Variants in RGS9 observed in about 807,000 individuals in gnomAD.
The protein encoded by RGS9 is regulator of G protein signaling 9, also known as regulator of G-protein signalling 9.
In RGS9, 78 loss-of-function variants were observed where a neutral mutation model predicts 102.0. The observed-to-expected ratio is 0.76, with a 90% CI of 0.64 to 0.92. RGS9 has a LOEUF of 0.92. Among genes scored for constraint, RGS9 ranks in the 40% least tolerant of loss-of-function variants. RGS9 has a pLI of 0.00. For synonymous variants in RGS9, 353 were observed against 318.6 expected, an observed-to-expected ratio of 1.11 and a Z score of -1.15; for missense variants, 833 against 866.1, an observed-to-expected ratio of 0.96 and a Z score of 0.48.
rs147884635 is a variant in RGS9, at chr17:65,167,363, G to A, written c.501-837G>A. Reference sequence around the variant, plus strand: ...ATTACAAGTGCTTGCCACCATGCCCGGAACATTTTTATATTTTTGGTAGAG... The same window carrying A: ...ATTACAAGTGCTTGCCACCATGCCCAGAACATTTTTATATTTTTGGTAGAG... On this transcript the variant is annotated intron_variant, in intron 7 of 18. Coordinates refer to ENST00000262406, the MANE Select transcript of RGS9 (RefSeq NM_003835.4). Among the ~76,000 whole-genome samples, 448 of 151,690 alleles carry A rather than the reference G, an allele frequency of 3.0e-3. 3 individuals are homozygous for A. Among genetic ancestry groups the A allele is most frequent in the African/African-American group, 9.7e-3 (399 of 41,162 alleles).
intron 9 of RGS9, among the ~76,000 whole-genome samples, chr17:65,182,761 A>T (rs577336467): frequency 6.6e-6 from 1 of 152,134 alleles, no homozygotes; most frequent in Non-Finnish European, 1.5e-5. Flanking sequence ...TCTCCACCCC[A>T]CAAGGCCTAC....
intron 7 of RGS9, among the ~76,000 whole-genome samples, chr17:65,164,776 A>G (rs1229015219): frequency 6.6e-6 from 1 of 152,178 alleles, no homozygotes; most frequent in African/African-American, 2.4e-5. Context: ...GGTACATTTG[A>G]GGCGAAACAA....
chr17:65,155,985 C>T (rs920095356), intron 2 of RGS9, among the ~76,000 whole-genome samples: 9 of 152,056 alleles, frequency 5.9e-5, no homozygotes, highest in South Asian at 4.1e-4. Flanking sequence ...AATTTCAGCC[C>T]AGCAATGTGA....
At chr17:65,138,696 T>C (rs1233885041) in intron 1 of RGS9, among the ~76,000 whole-genome samples, 55 of 152,120 alleles carry the variant, frequency 3.6e-4, no homozygotes, top group Admixed American at 3.6e-3. Context: ...CAGAAGAAAC[T>C]GCCTAAGTCG....
chr17:65,205,469 T>C (rs1913016982), intron 15 of RGS9, among the ~76,000 whole-genome samples: 1 of 151,678 alleles, frequency 6.6e-6, no homozygotes, highest in Admixed American at 6.6e-5. Flanking sequence ...TGACATAGGT[T>C]GCGTGATATA....
chr17:65,143,382 A>G (rs184686758), intron 1 of RGS9, among the ~76,000 whole-genome samples: 1 of 152,224 alleles, frequency 6.6e-6, no homozygotes, highest in Non-Finnish European at 1.5e-5. Context: ...GGGGGTTAGA[A>G]GATGTTCCAC....
chr17:65,142,514 G>A (rs1910194585), intron 1 of RGS9, among the ~76,000 whole-genome samples: 1 of 151,734 alleles, frequency 6.6e-6, no homozygotes, highest in South Asian at 2.1e-4. Context: ...TGATTTACTT[G>A]GCCTGGAAGT....
chr17:65,227,681 G>T lies in RGS9; in HGVS notation c.*274G>T. The T allele has an allele frequency of 2.1e-6, 1 of 486,942 alleles. No individual in the cohort carries two copies. The highest frequency in any genetic ancestry group is 3.8e-6 in the Non-Finnish European group (1 of 266,012). The allele number at this position is 486,942 out of a possible 1,614,324, so 30.2% of individuals were successfully genotyped here. A position where few individuals can be genotyped will look rare whatever the true frequency, so the allele number is the denominator to read the frequency against. On this transcript the variant is annotated 3_prime_UTR_variant, in exon 19 of 19. Transcript: ENST00000262406. ...CCCTGCTGCCTTAAAACCAATAAAAGGTTAACTTTAAGTTTCTTGGAATGT... is the reference window on the plus strand; with the variant it reads ...CCCTGCTGCCTTAAAACCAATAAAATGTTAACTTTAAGTTTCTTGGAATGT...
At chr17:65,225,531 G>T (rs1905624781) in intron 18 of RGS9, 45 bp downstream of exon 18, 2 of 1,598,886 alleles carry the variant, frequency 1.3e-6, no homozygotes, top group Admixed American at 1.7e-5. Context: ...GTGGCTGTGG[G>T]TGTGCAGGCC....
At chr17:65,183,295 A>G (rs1267536568) in intron 9 of RGS9, among the ~76,000 whole-genome samples, 5 of 151,956 alleles carry the variant, frequency 3.3e-5, no homozygotes, top group African/African-American at 1.2e-4. Flanking sequence ...GCTAATTTTT[A>G]TATTTTTAGT....
chr17:65,159,439 C>T (rs1910895065), intron 3 of RGS9, among the ~76,000 whole-genome samples: 1 of 152,052 alleles, frequency 6.6e-6, no homozygotes, highest in Non-Finnish European at 1.5e-5. Flanking sequence ...ATGAGGCATA[C>T]AACTTTAGGA....
At chr17:65,148,983 G>A (rs1042040007) in intron 1 of RGS9, among the ~76,000 whole-genome samples, 1 of 151,862 alleles carries the variant, frequency 6.6e-6, no homozygotes, top group Non-Finnish European at 1.5e-5. Context: ...GTTTTTTGAG[G>A]CAAGGTCTCT....
intron 8 of RGS9, among the ~76,000 whole-genome samples, chr17:65,175,322 T>C (rs1293142572): frequency 6.6e-6 from 1 of 152,146 alleles, no homozygotes; most frequent in East Asian, 1.9e-4. Context: ...AGTGTGTGTA[T>C]GAAGTCTGCC....
At chr17:65,202,811 C>T (rs1467843532) in intron 14 of RGS9, among the ~76,000 whole-genome samples, 8 of 152,146 alleles carry the variant, frequency 5.3e-5, no homozygotes, top group South Asian at 4.1e-4. Flanking sequence ...GCCACACTCC[C>T]CCTCCCCAAC....
intron 11 of RGS9, among the ~76,000 whole-genome samples, chr17:65,192,987 G>A (rs1052296066): frequency 7.2e-5 from 11 of 151,932 alleles, no homozygotes; most frequent in African/African-American, 1.2e-4. Flanking sequence ...CAGAAAGGCC[G>A]GGCATGGTGG....
At chr17:65,199,488 C>CTTTTTTTTTTTTTTTT in intron 13 of RGS9, among the ~76,000 whole-genome samples, 1 of 108,328 alleles carries the variant, frequency 9.2e-6, no homozygotes, top group South Asian at 3.0e-4. Context: ...GCTTCTGTTC[C>CTTTTTTTTTTTTTTTT]TTTTTTTTTT....
At chr17:65,141,066 G>C (rs1362358010) in intron 1 of RGS9, among the ~76,000 whole-genome samples, 1 of 152,180 alleles carries the variant, frequency 6.6e-6, no homozygotes, top group Non-Finnish European at 1.5e-5. Flanking sequence ...TGCGATTCCC[G>C]AGGTTCTCAC....
intron 13 of RGS9, among the ~76,000 whole-genome samples, chr17:65,198,970 C>A (rs991535480): frequency 2.0e-5 from 3 of 152,090 alleles, no homozygotes; most frequent in South Asian, 4.1e-4. Context: ...ACAACATACA[C>A]CCTGAATTTA....
Position 65,165,345 on chromosome 17 carries a change from G to A in RGS9, c.500+2256G>A, listed in dbSNP as rs192645418. Among the ~76,000 whole-genome samples the A allele has an allele frequency of 3.6e-3, 544 of 152,316 alleles. 1 individual carries two copies. Among genetic ancestry groups the A allele is most frequent in the Middle Eastern group, 6.8e-3 (2 of 294 alleles). ...TTCTTCCAGGTGCCTTGGAATGAGC[G>A]ATTCCTAAAAGGCTTGCTCCATTTG... On this transcript the variant is annotated intron_variant, in intron 7 of 18. Transcript: ENST00000262406.
Sources: allele counts gnomAD v4.1 joint callset (sites outside exome capture counted in the v4.1 genomes callset), GRCh38; gene constraint gnomAD v4.1.1; transcripts MANE v1.5; gene names NCBI Gene and HGNC (gene_info 2026-07-23, HGNC 2026-07-21).